Variants in GRTP1 observed in about 807,000 individuals in gnomAD.
GRTP1 encodes growth hormone-regulated TBC protein 1.
GRTP1 carries 56 observed loss-of-function variants against 38.1 expected under a neutral mutation model. The observed-to-expected ratio is 1.47, with a 90% CI of 1.19 to 1.84. The LOEUF is 1.84. GRTP1 is among the 40% of genes most tolerant of loss of function. GRTP1 has a pLI of 0.00. For synonymous variants in GRTP1, 217 were observed against 189.5 expected (o/e 1.14, Z -1.19); for missense variants, 506 against 453.9 (o/e 1.11, Z -1.04).
At chr13:113,355,236 C>A (rs2043360952) in intron 3 of GRTP1, 87 bp downstream of exon 3, 14 of 1,421,268 alleles carry the variant, frequency 9.9e-6, no homozygotes, top group Admixed American at 9.5e-5. Flanking sequence ...ACCGCTCACC[C>A]CTGGACGCTG....
In GRTP1 at chr13:113,346,521, A is replaced by T. The variant is rs1341257647; in HGVS notation, c.466-1562T>A. Among the ~76,000 whole-genome samples the T allele has an allele frequency of 7.9e-4, 9 of 11,360 alleles. 3 individuals carry two copies. The highest frequency in any genetic ancestry group is 8.7e-4 in the African/African-American group (9 of 10,330). The allele number at this position is 11,360 out of a possible 152,430, so 7.5% of individuals were successfully genotyped here. On this transcript the variant is annotated intron_variant, in intron 4 of 7. Transcript: ENST00000375431. ...GGACCCGGGAGGACCTCTGTGGCAAAGAGCAGACCCGGGAGGACCTCTGTG... is the reference window on the plus strand; with the variant it reads ...GGACCCGGGAGGACCTCTGTGGCAATGAGCAGACCCGGGAGGACCTCTGTG...
chr13:113,358,279 G>T (rs968256005), intron 2 of GRTP1, among the ~76,000 whole-genome samples: 2 of 152,184 alleles, frequency 1.3e-5, no homozygotes, highest in Non-Finnish European at 2.9e-5. Flanking sequence ...ATCTAATGAA[G>T]TATTTGCAGG....
At position 113,343,441 on chromosome 13, in the gene GRTP1, G is replaced by C. The variant is rs2043053552; in HGVS notation, c.562+1422C>G. ...GGCGGCTCCGTCAGGCTGGTCTCTG[G>C]CATCCTCATTTCTGCGCCCTTGGGT... On this transcript the variant is annotated intron_variant, in intron 5 of 7. Coordinates refer to ENST00000375431, the MANE Select transcript of GRTP1 (RefSeq NM_024719.4). The surrounding 1 kb of genome is among the most constrained non-coding windows in gnomAD (Gnocchi z 4.8). Among the ~76,000 whole-genome samples the C allele has an allele frequency of 6.6e-6, 1 of 152,130 alleles. No individual in the cohort carries two copies. Among genetic ancestry groups the C allele is most frequent in the African/African-American group, 2.4e-5 (1 of 41,434 alleles).
At position 113,349,580 on chromosome 13, in the gene GRTP1, C is replaced by T. The variant is rs565563927; in HGVS notation, c.465+1269G>A. 5.3e-5 allele frequency among the ~76,000 whole-genome samples: 8 copies of T among 152,378 alleles called. No individual in the cohort carries two copies. In the South Asian group the frequency reaches 1.4e-3, roughly 28 times the overall value. On this transcript the variant is annotated intron_variant, in intron 4 of 7. Transcript: ENST00000375431. This position sits in a 1 kb window ranked among gnomAD's most constrained non-coding sequence, Gnocchi z 5.0. ...GTCTGCAAAGGAGGGACTCTCCCAG[C>T]TTCACCCGACACGGCACTGCCAGCC...
chr13:113,328,267 G>A (rs963121056), intron 5 of GRTP1, among the ~76,000 whole-genome samples: 7 of 152,192 alleles, frequency 4.6e-5, no homozygotes, highest in Admixed American at 4.6e-4. Flanking sequence ...CACCTGCCTG[G>A]CCAGGACGGG....
chr13:113,351,409 C>T (rs895037419), intron 3 of GRTP1, among the ~76,000 whole-genome samples: 1 of 152,230 alleles, frequency 6.6e-6, no homozygotes, highest in African/African-American at 2.4e-5. Context: ...TTTCAAAGAT[C>T]CAAAACAGAA....
chr13:113,330,711 C>A (rs112289022), intron 5 of GRTP1, among the ~76,000 whole-genome samples: 227 of 378 alleles, frequency 0.6, 58 homozygotes, highest in East Asian at 1. Context: ...TGCATGGAAA[C>A]CCGGGTGTGT....
At chr13:113,355,538 C>T in intron 2 of GRTP1, 57 bp from the exon 3 acceptor site, 3 of 1,502,898 alleles carry the variant, frequency 2.0e-6, no homozygotes, top group Admixed American at 4.5e-5. Context: ...GCGGGGCCCA[C>T]GCGTTCCTGC....
chr13:113,331,497 C>T (rs534046384), intron 5 of GRTP1, among the ~76,000 whole-genome samples: 1 of 152,134 alleles, frequency 6.6e-6, no homozygotes, highest in Non-Finnish European at 1.5e-5. Context: ...CACCCAGCAG[C>T]TGCGCACCCC....
At position 113,326,366 on chromosome 13, in the gene GRTP1, G is replaced by T. The variant is rs796566815; in HGVS notation, c.563-275C>A. Among the ~76,000 whole-genome samples, 691 of 94,184 alleles carry T rather than the reference G, an allele frequency of 7.3e-3. 11 individuals are homozygous for T. Among genetic ancestry groups the T allele is most frequent in the African/African-American group, 0.052 (668 of 12,970 alleles). 61.8% of individuals were successfully genotyped at this position (94,184 alleles called of 152,430 possible). On this transcript the variant is annotated intron_variant, in intron 5 of 7. Transcript: ENST00000375431. ...GCATCAGTTAAAATCTGCAGGTGGA[G>T]GGTGGCGCGGTGGGGGGGGGGGGGG...
rs1213010600 is a variant in GRTP1, at chr13:113,342,580, G to T, written c.562+2283C>A. On this transcript the variant is annotated intron_variant, in intron 5 of 7. Transcript: ENST00000375431. The surrounding 1 kb of genome is among the most constrained non-coding windows in gnomAD (Gnocchi z 4.5). The stretch of plus-strand genomic sequence containing the variant: ...TGTGTATTTCTTGTATAACTTAAAA[G>T]CAGCAATTAAGAGCAGGATAACAGT... Among the ~76,000 whole-genome samples, 4 of 152,064 alleles carry T rather than the reference G, an allele frequency of 2.6e-5. No individual in the cohort carries two copies. In the East Asian group the frequency reaches 7.7e-4, roughly 29 times the overall value.
At chr13:113,355,265 A>C in intron 3 of GRTP1, 58 bp downstream of exon 3, 2 of 1,579,764 alleles carry the variant, frequency 1.3e-6, no homozygotes, top group Non-Finnish European at 1.7e-6. Context: ...CACTGGGTGG[A>C]AACCGGTTCC....
At chr13:113,345,699 C>A (rs2139456017) in intron 4 of GRTP1, among the ~76,000 whole-genome samples, 1 of 152,362 alleles carries the variant, frequency 6.6e-6, no homozygotes, top group Admixed American at 6.5e-5. Context: ...GAGAGCGATG[C>A]TGGCAGCAGC....
intron 5 of GRTP1, among the ~76,000 whole-genome samples, chr13:113,326,395 G>GGGGGGGGGGGC (rs1566411549): frequency 3.1e-5 from 2 of 64,786 alleles, no homozygotes; most frequent in Non-Finnish European, 3.3e-5. Flanking sequence ...GGGGGGGCGG[G>GGGGGGGGGGGC]AGCGTGGCTC....
rs868580533 is a variant in GRTP1, at chr13:113,347,690, G to A, written c.466-2731C>T. On this transcript the variant is annotated intron_variant, in intron 4 of 7. Transcript: ENST00000375431. The stretch of plus-strand genomic sequence containing the variant: ...GACCTCTGTGGCAGAGAGCAGACCC[G>A]GGAGGACCTCTGTGGCAGAGAGCAG... Among the ~76,000 whole-genome samples, 30 of 73,112 alleles carry A rather than the reference G, an allele frequency of 4.1e-4. 2 individuals carry two copies. Among genetic ancestry groups the A allele is most frequent in the South Asian group, 1.7e-3 (4 of 2,294 alleles). 48.0% of individuals were successfully genotyped at this position (73,112 alleles called of 152,430 possible).
intron 5 of GRTP1, among the ~76,000 whole-genome samples, chr13:113,326,379 G>GC (rs1555313459): frequency 3.5e-5 from 3 of 85,456 alleles, no homozygotes; most frequent in African/African-American, 2.5e-4. Context: ...TGGCGCGGTG[G>GC]GGGGGGGGGG....
Position 113,347,514 on chromosome 13 carries a change from A to G in GRTP1, c.466-2555T>C, listed in dbSNP as rs74511733. Among the ~76,000 whole-genome samples, 241 of 24,580 alleles carry G rather than the reference A, an allele frequency of 9.8e-3. 15 individuals are homozygous for G. The highest frequency in any genetic ancestry group is 0.013 in the Non-Finnish European group (136 of 10,686). The allele number at this position is 24,580 out of a possible 152,430, so 16.1% of individuals were successfully genotyped here. ...GACCTCTGTGGCCGAGAGCGGACCC[A>G]GGAGCACCTCTGTGGCTGAGCGGAT... On this transcript the variant is annotated intron_variant, in intron 4 of 7. Coordinates refer to ENST00000375431, the MANE Select transcript of GRTP1 (RefSeq NM_024719.4).
intron 5 of GRTP1, among the ~76,000 whole-genome samples, chr13:113,329,445 GC>G (rs563632470): frequency 6.6e-6 from 1 of 152,168 alleles, no homozygotes; most frequent in South Asian, 2.1e-4. Context: ...GGGCGTGGTG[GC>G]CAGCACCTGT....
At chr13:113,327,195 G>T (rs2042787227) in intron 5 of GRTP1, among the ~76,000 whole-genome samples, 2 of 150,700 alleles carry the variant, frequency 1.3e-5, no homozygotes, top group South Asian at 2.1e-4. Flanking sequence ...ATTTTTTTTT[G>T]AGACGGAGTC....
Sources: allele counts gnomAD v4.1 joint callset (sites outside exome capture counted in the v4.1 genomes callset), GRCh38; gene constraint gnomAD v4.1.1; non-coding constraint Gnocchi (gnomAD v3.1); transcripts MANE v1.5; gene names NCBI Gene and HGNC (gene_info 2026-07-23, HGNC 2026-07-21).